Variants in APIP observed in about 807,000 individuals in gnomAD.
APIP encodes methylthioribulose-1-phosphate dehydratase.
APIP carries 32 observed loss-of-function variants against 32.0 expected under a neutral mutation model. The ratio of observed to expected loss-of-function variants is 1.00; its 90% CI spans 0.76 to 1.34. The LOEUF (loss-of-function observed/expected upper bound fraction) is 1.34. Among genes scored for constraint, APIP ranks in the 40% most tolerant of loss-of-function variants. The pLI is 0.00. For synonymous variants in APIP, 92 were observed against 94.8 expected (o/e 0.97, Z 0.17); for missense variants, 247 against 298.6 (o/e 0.83, Z 1.27).
At chr11:34,903,986 T>C (rs58519774) in intron 1 of APIP, among the ~76,000 whole-genome samples, 28,793 of 152,134 alleles carry the variant, frequency 0.19, 3,900 homozygotes, top group African/African-American at 0.39. Flanking sequence ...AAGCAAGTTA[T>C]TAATACCTGT....
intron 2 of APIP, among the ~76,000 whole-genome samples, chr11:34,891,918 T>A (rs544849043): frequency 3.9e-5 from 6 of 152,264 alleles, no homozygotes; most frequent in Admixed American, 3.9e-4. Context: ...TCCACTCACC[T>A]CCACAGATAA....
intron 1 of APIP, among the ~76,000 whole-genome samples, chr11:34,902,849 C>T (rs1271147100): frequency 1.3e-5 from 2 of 152,162 alleles, no homozygotes; most frequent in Non-Finnish European, 2.9e-5. Flanking sequence ...CGAGGACCAG[C>T]TCAACAGTCA....
chr11:34,884,291 A>G (rs994323517), intron 5 of APIP, among the ~76,000 whole-genome samples: 1 of 152,208 alleles, frequency 6.6e-6, no homozygotes, highest in Admixed American at 6.5e-5. Context: ...AGTTCTAGCT[A>G]AAGTATTCTG....
intron 1 of APIP, among the ~76,000 whole-genome samples, chr11:34,897,034 A>G (rs1239063911): frequency 1.3e-5 from 2 of 152,220 alleles, no homozygotes; most frequent in African/African-American, 4.8e-5. Context: ...GTCACTGGGT[A>G]AAGGGGGAAA....
intron 1 of APIP, 172 bp downstream of exon 1, chr11:34,916,056 C>A: frequency 1.2e-6 from 1 of 848,892 alleles, no homozygotes; most frequent in Non-Finnish European, 1.8e-6. Context: ...GGCCTCGCAG[C>A]CTTGCTTCCG....
At chr11:34,890,481 G>T (rs1384925351) in intron 3 of APIP, 23 bp downstream of exon 3, 1 of 1,595,880 alleles carries the variant, frequency 6.3e-7, no homozygotes, top group Admixed American at 1.7e-5. Flanking sequence ...AGACACTGAG[G>T]TTAAAGAATC....
At chr11:34,911,364 T>C (rs1289824634) in intron 1 of APIP, among the ~76,000 whole-genome samples, 1 of 152,082 alleles carries the variant, frequency 6.6e-6, no homozygotes, top group Non-Finnish European at 1.5e-5. Context: ...ATAGAAGTAG[T>C]CCCTACCTGG....
At chr11:34,902,727 G>A (rs1853387595) in intron 1 of APIP, among the ~76,000 whole-genome samples, 1 of 152,172 alleles carries the variant, frequency 6.6e-6, no homozygotes. Context: ...CCTTCAACCA[G>A]CTAAAGCAAG....
At chr11:34,901,162 C>T (rs1387143082) in intron 1 of APIP, among the ~76,000 whole-genome samples, 1 of 152,094 alleles carries the variant, frequency 6.6e-6, no homozygotes, top group South Asian at 2.1e-4. Context: ...AACAGAGGCT[C>T]TAGTAGCAGT....
chr11:34,898,773 A>G (rs1305029170), intron 1 of APIP, among the ~76,000 whole-genome samples: 1 of 77,466 alleles, frequency 1.3e-5, no homozygotes, highest in Admixed American at 1.5e-4. Context: ...AGCACATAGT[A>G]TTTCTTTCTT....
chr11:34,914,494 CA>C (rs1478837836), intron 1 of APIP, among the ~76,000 whole-genome samples: 4 of 152,042 alleles, frequency 2.6e-5, no homozygotes, highest in African/African-American at 9.7e-5. Context: ...TGTATTTGTA[CA>C]AAACCAGACA....
chr11:34,904,097 C>T (rs1853405525), intron 1 of APIP, among the ~76,000 whole-genome samples: 1 of 152,180 alleles, frequency 6.6e-6, no homozygotes, highest in East Asian at 1.9e-4. Context: ...ATAGACTTCA[C>T]CCACATGTCA....
intron 5 of APIP, among the ~76,000 whole-genome samples, 174 bp from the exon 6 acceptor site, chr11:34,883,678 T>C (rs1262820866): frequency 2.0e-5 from 3 of 152,178 alleles, no homozygotes; most frequent in African/African-American, 7.2e-5. Context: ...TAAACATCTC[T>C]ATCAAAAGGT....
chr11:34,906,949 C>A lies in APIP; in HGVS notation c.57+9279G>T, dbSNP rs535921551. 9.2e-5 allele frequency among the ~76,000 whole-genome samples: 14 copies of A among 152,306 alleles called. 1 individual carries two copies. The South Asian group carries it at 2.9e-3, about 32-fold the overall frequency. ...TCATTTCCTCTTGCCTAGAAGCAAT[C>A]AATCCAAATGGTGCTGCAAACCGAA... On this transcript the variant is annotated intron_variant, in intron 1 of 6. Coordinates refer to ENST00000395787, the MANE Select transcript of APIP (RefSeq NM_015957.4).
At chr11:34,893,234 C>A (rs939077309) in intron 2 of APIP, among the ~76,000 whole-genome samples, 2 of 152,068 alleles carry the variant, frequency 1.3e-5, no homozygotes, top group Non-Finnish European at 2.9e-5. Context: ...TCTTTTTGAT[C>A]AAAAATATTT....
In APIP at chr11:34,916,044, G is replaced by A. The variant is rs1565143257; in HGVS notation, c.57+184C>T. 1.5e-5 allele frequency: 11 copies of A among 743,078 alleles called. No individual in the cohort carries two copies. The South Asian group carries it at 1.7e-4, about 11-fold the overall frequency. The allele number at this position is 743,078 out of a possible 1,614,324, so 46.0% of individuals were successfully genotyped here. ...CCCCGCCCGAGACCACTGATCTCCT[G>A]GGGCCTCGCAGCCTTGCTTCCGAAC... On this transcript the variant is annotated intron_variant, in intron 1 of 6. Coordinates refer to ENST00000395787, the MANE Select transcript of APIP (RefSeq NM_015957.4).
intron 1 of APIP, among the ~76,000 whole-genome samples, chr11:34,898,666 C>G (rs1394878702): frequency 6.6e-6 from 1 of 151,902 alleles, no homozygotes; most frequent in Non-Finnish European, 1.5e-5. Flanking sequence ...CTTTCCTCCC[C>G]CTCCTCCCCG....
At chr11:34,906,219 G>A (rs1430405495) in intron 1 of APIP, among the ~76,000 whole-genome samples, 2 of 152,078 alleles carry the variant, frequency 1.3e-5, no homozygotes, top group African/African-American at 4.8e-5. Flanking sequence ...CATTGGAAGG[G>A]AACTTGTACT....
chr11:34,889,533 T>C (rs189060943), intron 3 of APIP, among the ~76,000 whole-genome samples: 71 of 152,192 alleles, frequency 4.7e-4, no homozygotes, highest in African/African-American at 1.5e-3. Context: ...GTTTGTTACA[T>C]AGGTAAATTG....
Sources: allele counts gnomAD v4.1 joint callset (sites outside exome capture counted in the v4.1 genomes callset), GRCh38; gene constraint gnomAD v4.1.1; transcripts MANE v1.5; gene names NCBI Gene and HGNC (gene_info 2026-07-23, HGNC 2026-07-21).